Variants in ACTR3C observed in about 807,000 individuals in gnomAD.
ACTR3C encodes the protein actin-related protein 3C.
In ACTR3C, 18 loss-of-function variants were observed where a neutral mutation model predicts 26.3. The observed-to-expected ratio is 0.68, with a 90% CI of 0.47 to 1.01. ACTR3C has a LOEUF of 1.01. ACTR3C is among the 50% of genes least tolerant of loss of function. The probability of loss-of-function intolerance (pLI) is 0.00; values close to 1 mark genes in which losing one functional copy is unlikely to be tolerated. For synonymous variants in ACTR3C, 55 were observed against 94.5 expected, an observed-to-expected ratio of 0.58 and a Z score of 2.42; for missense variants, 184 against 250.7, an observed-to-expected ratio of 0.73 and a Z score of 1.80.
chr7:149,999,460 A>G, the ACTR3C span, among the ~76,000 whole-genome samples: 2 of 150,482 alleles, frequency 1.3e-5, no homozygotes, highest in South Asian at 2.2e-4. Flanking sequence ...ACAAGCGATC[A>G]TTGCTGCTGC....
the ACTR3C span, among the ~76,000 whole-genome samples, chr7:149,993,554 T>C: frequency 6.6e-6 from 1 of 152,062 alleles, no homozygotes; most frequent in Admixed American, 6.5e-5. Flanking sequence ...AATGAGCAGA[T>C]GGTTTTAGGA....
the ACTR3C span, among the ~76,000 whole-genome samples, chr7:150,227,811 G>A: frequency 6.7e-6 from 1 of 148,216 alleles, no homozygotes; most frequent in Non-Finnish European, 1.5e-5. Context: ...AGCAGACTCT[G>A]CATAGATTAA....
chr7:149,973,023 T>C, the ACTR3C span, among the ~76,000 whole-genome samples: 3 of 151,964 alleles, frequency 2.0e-5, no homozygotes, highest in Admixed American at 1.3e-4. Flanking sequence ...CATGTAATCA[T>C]AGTGAGCGGG....
At chr7:149,984,397 T>C in the ACTR3C span, among the ~76,000 whole-genome samples, 22 of 152,024 alleles carry the variant, frequency 1.4e-4, no homozygotes, top group African/African-American at 5.3e-4. Flanking sequence ...AGAGACGGGG[T>C]TTCACCATGT....
the ACTR3C span, among the ~76,000 whole-genome samples, chr7:149,994,633 C>G: frequency 6.6e-6 from 1 of 151,706 alleles, no homozygotes; most frequent in African/African-American, 2.4e-5. Context: ...TAAGGAGGGG[C>G]TTTATGGAGA....
the ACTR3C span, among the ~76,000 whole-genome samples, chr7:150,224,750 G>A: frequency 6.6e-6 from 1 of 152,172 alleles, no homozygotes. Flanking sequence ...CTGAAGGAGT[G>A]AGGAGTTGTG....
chr7:149,957,873 C>G, the ACTR3C span, among the ~76,000 whole-genome samples: 1 of 152,162 alleles, frequency 6.6e-6, no homozygotes, highest in African/African-American at 2.4e-5. Flanking sequence ...GCCACACCTG[C>G]TTCCTCTGCT....
chr7:150,270,458 AAGT>A (rs1834362869), intron 6 of ACTR3C, among the ~76,000 whole-genome samples: 1 of 150,616 alleles, frequency 6.6e-6, no homozygotes, highest in South Asian at 2.1e-4. Context: ...CAGTGAGATC[AAGT>A]AACCTGCCAA....
At chr7:150,038,115 C>T in the ACTR3C span, among the ~76,000 whole-genome samples, 9 of 141,888 alleles carry the variant, frequency 6.3e-5, 1 homozygote, top group Non-Finnish European at 1.1e-4. Flanking sequence ...GTCCCAAGAG[C>T]CAGGGGGGAA....
chr7:150,107,893 T>C, the ACTR3C span, among the ~76,000 whole-genome samples: 2 of 151,864 alleles, frequency 1.3e-5, no homozygotes, highest in South Asian at 4.2e-4. Flanking sequence ...GACAAAAACG[T>C]TTAGAGCTTT....
the ACTR3C span, among the ~76,000 whole-genome samples, chr7:149,927,295 G>T: frequency 6.6e-6 from 1 of 152,000 alleles, no homozygotes; most frequent in Non-Finnish European, 1.5e-5. Flanking sequence ...TAATTTACAT[G>T]AAAGCAATCC....
At chr7:149,987,584 A>G in the ACTR3C span, among the ~76,000 whole-genome samples, 2 of 126,550 alleles carry the variant, frequency 1.6e-5, no homozygotes, top group South Asian at 5.8e-4. Flanking sequence ...AAAATAAAAA[A>G]TAAAAAAAGA....
chr7:150,182,627 G>A, the ACTR3C span, among the ~76,000 whole-genome samples: 1 of 150,602 alleles, frequency 6.6e-6, no homozygotes, highest in Non-Finnish European at 1.5e-5. Flanking sequence ...TACAGATGGC[G>A]ATTTTTATGA....
At chr7:149,990,374 A>C in the ACTR3C span, among the ~76,000 whole-genome samples, 1 of 131,242 alleles carries the variant, frequency 7.6e-6, no homozygotes, top group Admixed American at 8.4e-5. Flanking sequence ...GTGGCCACTG[A>C]ATCTCCAGCA....
chr7:150,042,157 G>C, the ACTR3C span, among the ~76,000 whole-genome samples: 16 of 37,962 alleles, frequency 4.2e-4, no homozygotes, highest in Non-Finnish European at 5.6e-4. Flanking sequence ...ACCAGGGGCT[G>C]GCTCTCAGTC....
the ACTR3C span, among the ~76,000 whole-genome samples, chr7:149,894,964 T>C: frequency 6.6e-6 from 1 of 151,606 alleles, no homozygotes; most frequent in South Asian, 2.1e-4. Context: ...CTATTCACAA[T>C]AACCAAGATC....
At chr7:149,996,658 G>A in the ACTR3C span, among the ~76,000 whole-genome samples, 28 of 151,530 alleles carry the variant, frequency 1.8e-4, no homozygotes, top group African/African-American at 6.3e-4. Flanking sequence ...TAATCTAATC[G>A]AAACCTTTTC....
the ACTR3C span, among the ~76,000 whole-genome samples, chr7:150,143,362 C>G: frequency 1.3e-5 from 2 of 152,092 alleles, no homozygotes; most frequent in Non-Finnish European, 2.9e-5. Flanking sequence ...AAAGCATCTT[C>G]CGAAAATCCC....
the ACTR3C span, among the ~76,000 whole-genome samples, chr7:149,959,480 A>C: frequency 1.3e-5 from 2 of 152,140 alleles, no homozygotes; most frequent in Non-Finnish European, 2.9e-5. Context: ...CTTTTGTGTT[A>C]TCTCTCTAGA....
Sources: allele counts gnomAD v4.1 joint callset (sites outside exome capture counted in the v4.1 genomes callset), GRCh38; gene constraint gnomAD v4.1.1; transcripts MANE v1.5; gene names NCBI Gene and HGNC (gene_info 2026-07-23, HGNC 2026-07-21).